The following PRKCZ variants were observed in gnomAD, a reference collection of about 807,000 sequenced individuals.
The protein encoded by PRKCZ is protein kinase C zeta, also known as protein kinase C zeta type.
In PRKCZ, 33 loss-of-function variants were observed where a neutral mutation model predicts 79.5. The ratio of observed to expected loss-of-function variants is 0.41; its 90% CI spans 0.31 to 0.55. The LOEUF is 0.55. PRKCZ is among the 20% of genes least tolerant of loss of function. The pLI, the probability that PRKCZ is intolerant of heterozygous loss-of-function variation, is 0.19. For synonymous variants in PRKCZ, 342 were observed against 320.9 expected (o/e 1.07, Z -0.70); for missense variants, 578 against 813.5 (o/e 0.71, Z 3.52).
chr1:2,070,654 CAGG>C (rs1005083968), intron 4 of PRKCZ, among the ~76,000 whole-genome samples: 19 of 151,738 alleles, frequency 1.3e-4, no homozygotes, highest in African/African-American at 4.6e-4. Flanking sequence ...GGGCAGATAG[CAGG>C]GGAAGGGGCT....
At chr1:2,104,904 C>T (rs1336287297) in intron 4 of PRKCZ, 3 of 985,316 alleles carry the variant, frequency 3.0e-6, no homozygotes, top group African/African-American at 3.5e-5. Context: ...GGGTGAGTAG[C>T]CTTTATTCTT....
intron 6 of PRKCZ, 125 bp downstream of exon 6, chr1:2,144,466 C>G: frequency 1.4e-6 from 2 of 1,472,888 alleles, no homozygotes; most frequent in South Asian, 1.4e-5. Flanking sequence ...GCCGTCCTAG[C>G]TCTGGGCTGC....
chr1:2,104,985 C>G (rs1354487340), intron 4 of PRKCZ: 1 of 946,360 alleles, frequency 1.1e-6, no homozygotes, highest in East Asian at 1.2e-4. Context: ...GACAGCCACC[C>G]TGGCTTGTTG....
chr1:2,119,931 T>C (rs1234821815), intron 4 of PRKCZ, among the ~76,000 whole-genome samples: 4 of 151,546 alleles, frequency 2.6e-5, no homozygotes, highest in African/African-American at 9.7e-5. Flanking sequence ...GGATTGCAGG[T>C]GTGCGCCACC....
In PRKCZ at chr1:2,173,059, G is replaced by A. The variant is rs529769983; in HGVS notation, c.1285+671G>A. 3.9e-5 allele frequency among the ~76,000 whole-genome samples: 6 copies of A among 152,114 alleles called. No individual in the cohort carries two copies. Among genetic ancestry groups the A allele is most frequent in the Non-Finnish European group, 8.8e-5 (6 of 68,018 alleles). On this transcript the variant is annotated intron_variant, in intron 13 of 17. Transcript: ENST00000378567. This position sits in a 1 kb window ranked among gnomAD's most constrained non-coding sequence, Gnocchi z 5.7. ...GTGTTCGTGTGTCGGGCATCCATGT[G>A]TGTTGTGTGCACATGCATACTGTGT...
chr1:2,071,051 C>CACCTGGGCGTGTGACCTGGGCGTGTG (rs142717180), intron 4 of PRKCZ, among the ~76,000 whole-genome samples: 25,718 of 151,688 alleles, frequency 0.17, 2,592 homozygotes, highest in East Asian at 0.26. Context: ...GCAGCCAGTA[C>CACCTGGGCGTGTGACCTGGGCGTGTG]ACCTGGGCGT....
At chr1:2,131,500 A>T (rs1193678180) in intron 4 of PRKCZ, among the ~76,000 whole-genome samples, 1 of 152,240 alleles carries the variant, frequency 6.6e-6, no homozygotes, top group Non-Finnish European at 1.5e-5. Context: ...GGATATTTGA[A>T]GGAGGCAGGT....
At chr1:2,110,341 A>T (rs932844962) in intron 4 of PRKCZ, among the ~76,000 whole-genome samples, 9 of 152,362 alleles carry the variant, frequency 5.9e-5, no homozygotes, top group African/African-American at 2.2e-4. Flanking sequence ...TGATCAGAGC[A>T]GGCAGGACCT....
At position 2,177,710 on chromosome 1, in the gene PRKCZ, T is replaced by C. The variant is rs1448722740; in HGVS notation, c.1575+2397T>C. 6.6e-6 allele frequency among the ~76,000 whole-genome samples: 1 copy of C among 152,158 alleles called. No homozygotes were observed. Among genetic ancestry groups the C allele is most frequent in the Non-Finnish European group, 1.5e-5 (1 of 68,022 alleles). Reference sequence around the variant, plus strand: ...GCACACACTTGCCGCGGGCTGTCTCTCGGAAGGTAGTCAGCGGCCCTGGCT... The same window carrying C: ...GCACACACTTGCCGCGGGCTGTCTCCCGGAAGGTAGTCAGCGGCCCTGGCT... On this transcript the variant is annotated intron_variant, in intron 16 of 17. Coordinates refer to ENST00000378567, the MANE Select transcript of PRKCZ (RefSeq NM_002744.6). The surrounding 1 kb of genome is among the most constrained non-coding windows in gnomAD (Gnocchi z 6.4).
intron 4 of PRKCZ, among the ~76,000 whole-genome samples, chr1:2,132,869 A>T (rs2103003590): frequency 6.6e-6 from 1 of 152,342 alleles, no homozygotes; most frequent in African/African-American, 2.4e-5. Context: ...AACCCCACAG[A>T]CAGGGTGACT....
intron 10 of PRKCZ, among the ~76,000 whole-genome samples, chr1:2,158,681 T>G (rs1681601087): frequency 6.6e-6 from 1 of 152,186 alleles, no homozygotes; most frequent in Non-Finnish European, 1.5e-5. Flanking sequence ...CTTGTAGGGA[T>G]GTAGATGTAT....
rs188584204 is a variant in PRKCZ, at chr1:2,056,005, G to A, written c.193+443G>A. 2.1e-3 allele frequency: 389 copies of A among 186,200 alleles called. 2 individuals carry two copies. The highest frequency in any genetic ancestry group is 7.4e-3 in the African/African-American group (316 of 42,740). 11.5% of individuals were successfully genotyped at this position (186,200 alleles called of 1,614,324 possible). A position where few individuals can be genotyped will look rare whatever the true frequency, so the allele number is the denominator to read the frequency against. ...CTGAAAAACAAGGGGATTGGGAGAC[G>A]TCCAGAGAGACCCCTTTCTCCCAGG... On this transcript the variant is annotated intron_variant, in intron 2 of 17. Coordinates refer to ENST00000378567, the MANE Select transcript of PRKCZ (RefSeq NM_002744.6).
intron 4 of PRKCZ, among the ~76,000 whole-genome samples, chr1:2,107,217 A>G (rs1353756589): frequency 6.6e-6 from 1 of 152,204 alleles, no homozygotes; most frequent in East Asian, 1.9e-4. Context: ...GCCTGCACCA[A>G]CAGCCGGCTG....
intron 8 of PRKCZ, among the ~76,000 whole-genome samples, chr1:2,150,161 CAAAAA>C (rs750010192): frequency 2.1e-5 from 1 of 46,684 alleles, no homozygotes; most frequent in Non-Finnish European, 4.5e-5. Context: ...GACTCCGTCT[CAAAAA>C]AAAAAAAAAA....
chr1:2,144,024 G>A, intron 5 of PRKCZ, 186 bp from the exon 6 acceptor site: 2 of 763,398 alleles, frequency 2.6e-6, no homozygotes, highest in Admixed American at 3.1e-5. Context: ...CCAACCTTGG[G>A]ATAGACCCAA....
chr1:2,123,439 C>T (rs1445443135), intron 4 of PRKCZ, among the ~76,000 whole-genome samples: 3 of 6,190 alleles, frequency 4.8e-4, no homozygotes, highest in Non-Finnish European at 7.1e-4. Flanking sequence ...TGGTTAGGGT[C>T]GTGGCGGTGG....
At chr1:2,083,800 G>A (rs1043069036) in intron 4 of PRKCZ, among the ~76,000 whole-genome samples, 2 of 152,102 alleles carry the variant, frequency 1.3e-5, no homozygotes, top group Admixed American at 6.6e-5. Flanking sequence ...TCTGAAACTC[G>A]GCACGTGGTC....
chr1:2,162,427 T>A (rs1682500969), intron 10 of PRKCZ, among the ~76,000 whole-genome samples: 1 of 152,226 alleles, frequency 6.6e-6, no homozygotes, highest in Non-Finnish European at 1.5e-5. Flanking sequence ...CCACTGGGCC[T>A]GGCCCGAAAC....
chr1:2,081,685 T>C (rs1443694674), intron 4 of PRKCZ, among the ~76,000 whole-genome samples: 1 of 152,112 alleles, frequency 6.6e-6, no homozygotes, highest in Non-Finnish European at 1.5e-5. Flanking sequence ...TGACCCCGCA[T>C]ACTCTTCTCC....
Sources: gnomAD v4.1 joint callset for allele counts (sites outside exome capture counted in the v4.1 genomes callset) on GRCh38, gnomAD v4.1.1 for gene constraint, Gnocchi (gnomAD v3.1) non-coding constraint, MANE v1.5 for transcripts, NCBI Gene and HGNC (gene_info 2026-07-23, HGNC 2026-07-21) for gene names.